RGS6: variants seen among roughly 807,000 people sequenced by gnomAD.
The protein encoded by RGS6 is regulator of G-protein signaling 6.
RGS6 carries 30 observed loss-of-function variants against 78.5 expected under a neutral mutation model. The observed-to-expected ratio is 0.38, with a 90% CI of 0.29 to 0.52. RGS6 has a LOEUF of 0.52. Among genes scored for constraint, RGS6 ranks in the 20% least tolerant of loss-of-function variants. The pLI is 0.85. For missense variants in RGS6, 495 were observed against 609.7 expected (o/e 0.81, Z 1.98); for synonymous variants, 206 against 206.0 (o/e 1.00, Z 0.00).
intron 2 of RGS6, among the ~76,000 whole-genome samples, chr14:72,043,405 A>AT (rs1199052147): frequency 1.3e-5 from 2 of 152,046 alleles, no homozygotes; most frequent in African/African-American, 2.4e-5. Flanking sequence ...CTCTTTTAAC[A>AT]TTTTTTTGAT....
At chr14:72,067,945 T>G (rs546338282) in intron 2 of RGS6, among the ~76,000 whole-genome samples, 1 of 152,124 alleles carries the variant, frequency 6.6e-6, no homozygotes, top group African/African-American at 2.4e-5. Flanking sequence ...ACAATCTGCA[T>G]TTTAATAGAA....
chr14:72,285,498 C>T (rs759171028), intron 2 of RGS6, among the ~76,000 whole-genome samples: 8 of 152,164 alleles, frequency 5.3e-5, no homozygotes, highest in Non-Finnish European at 1.0e-4. Context: ...TCATGTGGAA[C>T]TGTGAGTCCA....
At chr14:72,197,371 T>C (rs1277654336) in intron 2 of RGS6, among the ~76,000 whole-genome samples, 1 of 151,998 alleles carries the variant, frequency 6.6e-6, no homozygotes, top group Non-Finnish European at 1.5e-5. Context: ...CGGCCAAATG[T>C]TTTCTAGTTA....
chr14:72,553,696 T>C (rs2097535738), intron 17 of RGS6, among the ~76,000 whole-genome samples: 1 of 152,200 alleles, frequency 6.6e-6, no homozygotes, highest in Non-Finnish European at 1.5e-5. Context: ...TCCCATTCCC[T>C]AGCAGAACAG....
the RGS6 span, among the ~76,000 whole-genome samples, chr14:72,584,601 G>A: frequency 1.3e-5 from 2 of 152,172 alleles, no homozygotes; most frequent in African/African-American, 4.8e-5. Context: ...GATGCTCAAA[G>A]GCAGTTGGGG....
chr14:72,193,290 G>A (rs1263329652), intron 2 of RGS6, among the ~76,000 whole-genome samples: 1 of 152,194 alleles, frequency 6.6e-6, no homozygotes, highest in Non-Finnish European at 1.5e-5. Context: ...CACTGTGCCT[G>A]GCCCTGCTGG....
At chr14:72,042,246 G>C (rs1037280138) in intron 2 of RGS6, among the ~76,000 whole-genome samples, 12 of 151,074 alleles carry the variant, frequency 7.9e-5, no homozygotes, top group African/African-American at 2.9e-4. Context: ...TCCTGCCTCA[G>C]CCTCCCGAGT....
At chr14:72,063,108 C>A (rs1340750132) in intron 2 of RGS6, among the ~76,000 whole-genome samples, 2 of 152,130 alleles carry the variant, frequency 1.3e-5, no homozygotes, top group Admixed American at 1.3e-4. Flanking sequence ...CAATCATGCG[C>A]CACCACGCCT....
chr14:71,987,858 A>G (rs940818673), intron 2 of RGS6, among the ~76,000 whole-genome samples: 10 of 152,168 alleles, frequency 6.6e-5, no homozygotes, highest in African/African-American at 2.4e-4. Flanking sequence ...ATACTAAACA[A>G]TACAGTGAAT....
chr14:72,400,825 T>C (rs1293445794), intron 3 of RGS6, among the ~76,000 whole-genome samples: 1 of 152,172 alleles, frequency 6.6e-6, no homozygotes, highest in Non-Finnish European at 1.5e-5. Flanking sequence ...CTAGCAGCCC[T>C]ATCCAGGTTT....
intron 2 of RGS6, among the ~76,000 whole-genome samples, chr14:72,050,295 A>G (rs971793723): frequency 6.6e-5 from 10 of 152,240 alleles, no homozygotes; most frequent in South Asian, 2.1e-4. Flanking sequence ...GAATAAAAAT[A>G]TTTACCTAAT....
Position 72,540,082 on chromosome 14 carries a change from C to A in RGS6, c.1410C>A (p.Phe470Leu), listed in dbSNP as rs1280710361. The change falls in exon 17 of 18, where the codon TTC becomes TTA. Residue 470 changes from phenylalanine (F) to leucine (L), a missense_variant. Physicochemically the swap from Phe to Leu is conservative, Grantham distance 22. Coordinates refer to ENST00000553525, the MANE Select transcript of RGS6 (RefSeq NM_001204424.2). ...EQGRRTSLEK[F>L]TRSVGKSLAG... Reference sequence around the variant, plus strand: ...GTCGTAGAACTTCCCTAGAAAAGTTCACTCGCAGTGTGGTAAGTTCAGTCG... The same window carrying A: ...GTCGTAGAACTTCCCTAGAAAAGTTAACTCGCAGTGTGGTAAGTTCAGTCG... 3 of 1,589,240 alleles carry A rather than the reference C, an allele frequency of 1.9e-6. No homozygotes were observed. Among genetic ancestry groups the A allele is most frequent in the East Asian group, 2.2e-5 (1 of 44,790 alleles).
intron 2 of RGS6, among the ~76,000 whole-genome samples, chr14:72,103,919 G>T (rs572743951): frequency 6.6e-6 from 1 of 152,298 alleles, no homozygotes; most frequent in East Asian, 1.9e-4. Context: ...GGAGTGACTT[G>T]GTCGAGGATA....
chr14:72,333,155 A>G (rs981401783), intron 2 of RGS6, among the ~76,000 whole-genome samples: 2 of 151,648 alleles, frequency 1.3e-5, no homozygotes, highest in South Asian at 2.1e-4. Flanking sequence ...TACCTCATCT[A>G]TCCCTTCTTG....
chr14:72,077,006 G>A (rs934337960), intron 2 of RGS6, among the ~76,000 whole-genome samples: 1 of 148,648 alleles, frequency 6.7e-6, no homozygotes, highest in Non-Finnish European at 1.5e-5. Flanking sequence ...ATATAAAGCT[G>A]TATATATAGT....
At chr14:72,070,362 A>C (rs1247965410) in intron 2 of RGS6, among the ~76,000 whole-genome samples, 1 of 152,158 alleles carries the variant, frequency 6.6e-6, no homozygotes, top group Non-Finnish European at 1.5e-5. Context: ...TTTTGGCTTC[A>C]GGGTTTTGGG....
the RGS6 span, among the ~76,000 whole-genome samples, chr14:72,576,555 T>C: frequency 2.0e-5 from 3 of 152,232 alleles, no homozygotes; most frequent in Non-Finnish European, 4.4e-5. Flanking sequence ...ATTTTAGCTA[T>C]TTGGAACAGA....
chr14:71,972,008 T>C (rs2093842031), intron 2 of RGS6, among the ~76,000 whole-genome samples: 1 of 151,164 alleles, frequency 6.6e-6, no homozygotes, highest in African/African-American at 2.5e-5. Context: ...ATTTTGGACA[T>C]TTTTTTCTTT....
intron 3 of RGS6, among the ~76,000 whole-genome samples, chr14:72,404,233 GA>G (rs1224066343): frequency 6.6e-6 from 1 of 152,224 alleles, no homozygotes; most frequent in African/African-American, 2.4e-5. Context: ...TTCAAAGTCA[GA>G]AAGGAGAATC....
Sources: gnomAD v4.1 joint callset for allele counts (sites outside exome capture counted in the v4.1 genomes callset) on GRCh38, gnomAD v4.1.1 for gene constraint, MANE v1.5 for transcripts, NCBI Gene and HGNC (gene_info 2026-07-23, HGNC 2026-07-21) for gene names.